The following NARS2 variants were observed in gnomAD, a reference collection of about 807,000 sequenced individuals.
NARS2 encodes asparaginyl-tRNA synthetase 2, mitochondrial, also known as asparaginyl-tRNA synthetase.
Under a neutral mutation model 62.9 loss-of-function variants are expected in NARS2, and 60 were observed. The ratio of observed to expected loss-of-function variants is 0.95; its 90% confidence interval spans 0.77 to 1.18. The LOEUF (loss-of-function observed/expected upper bound fraction) is 1.18. Among genes scored for constraint, NARS2 ranks in the 50% most tolerant of loss-of-function variants. The pLI is 0.00. For missense variants in NARS2, 619 were observed against 576.4 expected, an observed-to-expected ratio of 1.07 and a Z score of -0.76; for synonymous variants, 196 against 200.0, an observed-to-expected ratio of 0.98 and a Z score of 0.17.
At chr11:78,561,997 T>C (rs1856572609) in intron 4 of NARS2, among the ~76,000 whole-genome samples, 1 of 152,080 alleles carries the variant, frequency 6.6e-6, no homozygotes, top group Admixed American at 6.6e-5. Flanking sequence ...ATCACGCCAC[T>C]GTGCTCTAGC....
intron 5 of NARS2, among the ~76,000 whole-genome samples, chr11:78,557,338 A>C (rs186094927): frequency 6.6e-6 from 1 of 152,332 alleles, no homozygotes; most frequent in Admixed American, 6.5e-5. Context: ...ACCAAAATTC[A>C]AATTCTTATG....
chr11:78,511,672 G>A (rs577485269), intron 6 of NARS2, among the ~76,000 whole-genome samples: 17 of 151,376 alleles, frequency 1.1e-4, no homozygotes, highest in African/African-American at 3.6e-4. Context: ...AGCTGAGATC[G>A]CCCCACTGCA....
intron 5 of NARS2, among the ~76,000 whole-genome samples, chr11:78,531,855 G>C (rs1031806620): frequency 1.3e-5 from 2 of 152,142 alleles, no homozygotes; most frequent in African/African-American, 4.8e-5. Context: ...AGATGGATGA[G>C]AGTCATGGTT....
At chr11:78,520,214 C>A (rs907771496) in intron 6 of NARS2, among the ~76,000 whole-genome samples, 1 of 152,122 alleles carries the variant, frequency 6.6e-6, no homozygotes, top group South Asian at 2.1e-4. Context: ...AATCAAAGTG[C>A]CAGCAAGGTT....
At chr11:78,469,217 A>G in intron 10 of NARS2, 30 bp downstream of exon 10, 1 of 1,464,568 alleles carries the variant, frequency 6.8e-7, no homozygotes, top group South Asian at 1.2e-5. Context: ...ATTTTCACAC[A>G]CACATATATA....
chr11:78,478,429 T>G lies in NARS2; in HGVS notation c.959+9A>C, dbSNP rs1591178454. ...TGAATAAAGTTCAAAAAGTATAACA[T>G]CTACTTACATTAAAAAGTTGTTTTT... On this transcript the variant is annotated intron_variant, in intron 9 of 13. Transcript: ENST00000281038. 9.6e-7 allele frequency: 1 copy of G among 1,041,752 alleles called. No homozygotes were observed. The highest frequency in any genetic ancestry group is 2.7e-5 in the East Asian group (1 of 36,952). The allele number at this position is 1,041,752 out of a possible 1,614,324, so 64.5% of individuals were successfully genotyped here.
rs989724027 is a variant in NARS2 at position 78,559,578 on chromosome 11, G to A, written c.555C>T (p.Ser185=). 1 of 1,613,396 alleles carries A rather than the reference G, an allele frequency of 6.2e-7. No homozygotes were observed. Among genetic ancestry groups the A allele is most frequent in the Non-Finnish European group, 8.5e-7 (1 of 1,179,610 alleles). ...GTTCTCCAGCTCCCTCAGAGTCATT[G>A]GATGTGATTATTGGAGTATGAATAT... is the stretch of plus-strand genomic sequence containing the variant. The part of the protein sequence containing the change: ...FVHIHTPIIT[S]NDSEGAGELF... The change falls in exon 5 of 14, where the codon TCC becomes TCT. Residue 185 remains serine, a synonymous_variant. Transcript: ENST00000281038.
chr11:78,524,772 T>C (rs934504199), intron 6 of NARS2, among the ~76,000 whole-genome samples: 2 of 152,096 alleles, frequency 1.3e-5, no homozygotes, highest in Non-Finnish European at 2.9e-5. Context: ...AATTTTGGCT[T>C]CTAAATACCA....
At chr11:78,500,863 C>T (rs887889028) in intron 6 of NARS2, among the ~76,000 whole-genome samples, 11 of 152,106 alleles carry the variant, frequency 7.2e-5, no homozygotes, top group East Asian at 3.9e-4. Context: ...AAGGCCGAGG[C>T]GGGTGGATCT....
intron 2 of NARS2, among the ~76,000 whole-genome samples, chr11:78,570,563 T>G (rs1856888692): frequency 1.3e-5 from 2 of 152,200 alleles, no homozygotes; most frequent in South Asian, 4.1e-4. Context: ...CATTTTTATA[T>G]TTTTGGTAGA....
chr11:78,458,126 T>G (rs1035841901), intron 11 of NARS2, among the ~76,000 whole-genome samples: 1 of 152,164 alleles, frequency 6.6e-6, no homozygotes, highest in Non-Finnish European at 1.5e-5. Context: ...GGATTTTGAA[T>G]GTTCACAACA....
intron 5 of NARS2, 71 bp downstream of exon 5, chr11:78,559,468 T>C (rs2135515727): frequency 2.9e-6 from 3 of 1,019,490 alleles, no homozygotes; most frequent in Non-Finnish European, 3.1e-6. Flanking sequence ...AAAACTATTA[T>C]TAAATTTCAA....
At chr11:78,442,640 T>A (rs547384010) in intron 12 of NARS2, among the ~76,000 whole-genome samples, 1 of 151,830 alleles carries the variant, frequency 6.6e-6, no homozygotes, top group South Asian at 2.1e-4. Flanking sequence ...TTTTTTTAAG[T>A]CTGGCAGTAC....
chr11:78,556,870 T>C (rs1856373231), intron 5 of NARS2, among the ~76,000 whole-genome samples: 1 of 152,200 alleles, frequency 6.6e-6, no homozygotes, highest in African/African-American at 2.4e-5. Flanking sequence ...AAACAAGGAA[T>C]TTTGTAGGAT....
chr11:78,482,459 G>A (rs1343716559), intron 7 of NARS2, among the ~76,000 whole-genome samples: 2 of 152,034 alleles, frequency 1.3e-5, no homozygotes, highest in African/African-American at 4.8e-5. Context: ...GAATCCAGGA[G>A]CTGGTTTTTT....
At chr11:78,467,565 ATAAAT>A (rs1565217233) in intron 10 of NARS2, among the ~76,000 whole-genome samples, 2 of 127,834 alleles carry the variant, frequency 1.6e-5, no homozygotes, top group African/African-American at 2.5e-5. Context: ...AAATAAATAA[ATAAAT>A]TAATTAATTA....
Position 78,566,263 on chromosome 11 carries a change from T to TG in NARS2, c.381dup (p.Ile128HisfsTer4). ...AGAGGATGCCTCTCTTTATATTTGA[T>TG]GGGGAAATCCTGCCAATAAATGAAA... is the stretch of plus-strand genomic sequence containing the variant. On this transcript the variant is annotated frameshift_variant, in exon 4 of 14. Transcript: ENST00000281038. LOFTEE classifies it high-confidence loss of function. 6.3e-7 allele frequency: 1 copy of TG among 1,586,390 alleles called. No individual in the cohort carries two copies. The highest frequency in any genetic ancestry group is 8.6e-7 in the Non-Finnish European group (1 of 1,166,528).
rs558232285 is a variant in NARS2, at chr11:78,533,352, G to A, written c.595-4416C>T. 5.9e-5 allele frequency: 9 copies of A among 152,220 alleles called. No individual in the cohort carries two copies. The East Asian group carries it at 1.7e-3, about 29-fold the overall frequency. The allele number at this position is 152,220 out of a possible 1,614,324, so 9.4% of individuals were successfully genotyped here. A position where few individuals can be genotyped will look rare whatever the true frequency, so the allele number is the denominator to read the frequency against. ...CTTATTCCATTATTTGTGTATATTT[G>A]TGATTTTTTCACTTTTCTCTGAGAT... On this transcript the variant is annotated intron_variant, in intron 5 of 13. Coordinates refer to ENST00000281038, the MANE Select transcript of NARS2 (RefSeq NM_024678.6).
Position 78,468,310 on chromosome 11 carries a change from G to GAAAAAAAAAAAAA in NARS2, c.1026+924_1026+936dup, listed in dbSNP as rs764254167. Among the ~76,000 whole-genome samples, 74 of 67,422 alleles carry GAAAAAAAAAAAAA rather than the reference G, an allele frequency of 1.1e-3. 3 individuals are homozygous for GAAAAAAAAAAAAA. Among genetic ancestry groups the GAAAAAAAAAAAAA allele is most frequent in the African/African-American group, 4.3e-3 (73 of 17,060 alleles). 44.2% of individuals were successfully genotyped at this position (67,422 alleles called of 152,430 possible). On this transcript the variant is annotated intron_variant, in intron 10 of 13. Coordinates refer to ENST00000281038, the MANE Select transcript of NARS2 (RefSeq NM_024678.6). ...ACCTGCTTCTGCAAGCACTAAATCTGAAAAAAAAAAAAAAAAAAGAAAAAA... is the reference window on the plus strand; with the variant it reads ...ACCTGCTTCTGCAAGCACTAAATCTGAAAAAAAAAAAAAAAAAAAAAAAAAAAAAAAGAAAAAA...
Sources: gnomAD v4.1 joint callset for allele counts (sites outside exome capture counted in the v4.1 genomes callset) on GRCh38, gnomAD v4.1.1 for gene constraint, MANE v1.5 for transcripts, NCBI Gene and HGNC (gene_info 2026-07-23, HGNC 2026-07-21) for gene names.